NTM: variants seen among roughly 807,000 people sequenced by gnomAD.
The protein encoded by NTM is IgLON family member 2.
Under a neutral mutation model 42.1 loss-of-function variants are expected in NTM, and 13 were observed. The ratio of observed to expected loss-of-function variants is 0.31; its 90% CI spans 0.20 to 0.49. NTM has a LOEUF of 0.49. Among genes scored for constraint, NTM ranks in the 20% least tolerant of loss-of-function variants. The pLI is 0.99. For synonymous variants in NTM, 187 were observed against 179.2 expected, an observed-to-expected ratio of 1.04 and a Z score of -0.35; for missense variants, 373 against 452.8, an observed-to-expected ratio of 0.82 and a Z score of 1.60.
chr11:132,070,411 C>T (rs112282563), intron 2 of NTM, among the ~76,000 whole-genome samples: 684 of 140,652 alleles, frequency 4.9e-3, no homozygotes, highest in African/African-American at 0.017. Context: ...GTTAACACGT[C>T]AAACTGACCG....
At chr11:131,662,701 C>T (rs947770328) in intron 1 of NTM, among the ~76,000 whole-genome samples, 1 of 152,114 alleles carries the variant, frequency 6.6e-6, no homozygotes, top group African/African-American at 2.4e-5. Flanking sequence ...GCAACATAAT[C>T]GCTTCTTGGT....
intron 1 of NTM, chr11:131,910,739 C>A: frequency 1.4e-6 from 1 of 706,592 alleles, no homozygotes; most frequent in Non-Finnish European, 1.7e-6. Context: ...GGGGCCGCCG[C>A]GGTCCGCTCC....
Position 132,146,101 on chromosome 11 carries a change from C to T in NTM, c.168-181C>T, listed in dbSNP as rs10894512. On this transcript the variant is annotated intron_variant, in intron 2 of 8. Coordinates refer to ENST00000683400, the MANE Select transcript of NTM (RefSeq NM_001352005.2). This position sits in a 1 kb window ranked among gnomAD's most constrained non-coding sequence, Gnocchi z 4.5. ...AGAAGCTCCGAGCAACATTCTGAGG[C>T]TGTAATCCCATAAGACCTTTGCTGT... The T allele has an allele frequency of 0.4, 168,024 of 424,666 alleles. 35,194 individuals carry two copies. Among genetic ancestry groups the T allele is most frequent in the Non-Finnish European group, 0.43 (138,101 of 317,694 alleles). 26.3% of individuals were successfully genotyped at this position (424,666 alleles called of 1,614,324 possible).
intron 2 of NTM, among the ~76,000 whole-genome samples, chr11:132,005,184 A>ATTGTCATTC (rs1194956639): frequency 6.6e-6 from 1 of 152,140 alleles, no homozygotes; most frequent in Non-Finnish European, 1.5e-5. Flanking sequence ...ATGCATGGAG[A>ATTGTCATTC]TTGTCATTCT....
At chr11:131,873,625 A>G (rs182040912) in intron 1 of NTM, among the ~76,000 whole-genome samples, 3,551 of 113,930 alleles carry the variant, frequency 0.031, 299 homozygotes, top group East Asian at 0.13. Context: ...ATATATATAC[A>G]TATATATATA....
intron 1 of NTM, among the ~76,000 whole-genome samples, chr11:131,898,890 G>A (rs78067935): frequency 0.046 from 6,978 of 152,124 alleles, 525 homozygotes; most frequent in African/African-American, 0.16. Flanking sequence ...GCACAAAGTC[G>A]AGAACTCAGG....
chr11:132,195,275 C>T (rs2080000374), intron 3 of NTM, among the ~76,000 whole-genome samples: 1 of 152,062 alleles, frequency 6.6e-6, no homozygotes, highest in South Asian at 2.1e-4. Flanking sequence ...AATTACAAAA[C>T]ACTGCTGAAA....
At chr11:131,427,761 T>C (rs549501777) in intron 1 of NTM, among the ~76,000 whole-genome samples, 77 of 152,342 alleles carry the variant, frequency 5.1e-4, no homozygotes, top group African/African-American at 1.8e-3. Flanking sequence ...ACTCATCTTT[T>C]CATTTCTTCA....
intron 1 of NTM, among the ~76,000 whole-genome samples, chr11:131,403,959 T>C (rs1268422448): frequency 6.6e-6 from 1 of 152,180 alleles, no homozygotes; most frequent in East Asian, 1.9e-4. Flanking sequence ...CCTGCAATTA[T>C]CTTCCTCTTT....
intron 4 of NTM, among the ~76,000 whole-genome samples, chr11:132,285,471 A>G (rs931107278): frequency 1.3e-5 from 2 of 152,136 alleles, no homozygotes; most frequent in Non-Finnish European, 2.9e-5. Flanking sequence ...GACCTGACTG[A>G]GATGGCACTG....
intron 1 of NTM, among the ~76,000 whole-genome samples, chr11:131,735,838 GT>G (rs1565483531): frequency 0.019 from 1,881 of 99,354 alleles, 11 homozygotes; most frequent in Non-Finnish European, 0.024. Flanking sequence ...TTCATAAGGT[GT>G]GTGTGTGTGT....
chr11:132,326,582 T>A (rs969627025), intron 7 of NTM, among the ~76,000 whole-genome samples: 2 of 152,226 alleles, frequency 1.3e-5, no homozygotes, highest in African/African-American at 2.4e-5. Context: ...AACTTGCTAC[T>A]CTGATTCTTC....
chr11:131,952,690 C>T (rs868471058), intron 2 of NTM, among the ~76,000 whole-genome samples: 1 of 151,980 alleles, frequency 6.6e-6, no homozygotes, highest in Non-Finnish European at 1.5e-5. Context: ...TAAAGACTGG[C>T]AGAAATCTAA....
chr11:132,198,538 A>T (rs774410725), intron 3 of NTM, among the ~76,000 whole-genome samples: 1 of 152,176 alleles, frequency 6.6e-6, no homozygotes, highest in African/African-American at 2.4e-5. Context: ...TGTATACTTA[A>T]AAGTGGCCAA....
chr11:131,373,220 A>G (rs77095815), intron 1 of NTM, among the ~76,000 whole-genome samples: 2,372 of 152,362 alleles, frequency 0.016, 50 homozygotes, highest in African/African-American at 0.054. Flanking sequence ...TTGCAGAATT[A>G]CTGAGGCAGC....
At chr11:131,923,585 G>C (rs550222396) in intron 2 of NTM, among the ~76,000 whole-genome samples, 29 of 152,260 alleles carry the variant, frequency 1.9e-4, no homozygotes, top group African/African-American at 5.5e-4. Context: ...GGAATCTAAA[G>C]GGCCTTTAAA....
At chr11:131,611,035 A>G (rs2061423422) in intron 1 of NTM, among the ~76,000 whole-genome samples, 1 of 152,082 alleles carries the variant, frequency 6.6e-6, no homozygotes, top group Admixed American at 6.5e-5. Flanking sequence ...GCTGAGGGGA[A>G]CCTGGACTGA....
intron 2 of NTM, among the ~76,000 whole-genome samples, chr11:131,962,024 C>T (rs549882476): frequency 1.9e-4 from 29 of 152,186 alleles, no homozygotes; most frequent in African/African-American, 6.3e-4. Flanking sequence ...AGGGAACAGG[C>T]GTTTGTTGTG....
intron 1 of NTM, chr11:131,911,286 A>G: frequency 7.0e-7 from 1 of 1,425,820 alleles, no homozygotes; most frequent in Non-Finnish European, 9.2e-7. Flanking sequence ...GGCTGGCAAA[A>G]GCCGAGGCTG....
Sources: gnomAD v4.1 joint callset for allele counts (sites outside exome capture counted in the v4.1 genomes callset) on GRCh38, gnomAD v4.1.1 for gene constraint, Gnocchi (gnomAD v3.1) non-coding constraint, MANE v1.5 for transcripts, NCBI Gene and HGNC (gene_info 2026-07-23, HGNC 2026-07-21) for gene names.